The following VAV3 variants were observed in gnomAD, a reference collection of about 807,000 sequenced individuals.
VAV3 encodes guanine nucleotide exchange factor VAV3.
A neutral mutation model predicts 131.2 loss-of-function variants in VAV3; 94 were observed. The observed-to-expected ratio is 0.72, with a 90% CI of 0.61 to 0.85. VAV3 has a LOEUF of 0.85. VAV3 is among the 40% of genes least tolerant of loss of function. VAV3 has a pLI of 0.00. For synonymous variants in VAV3, 349 were observed against 342.0 expected, an observed-to-expected ratio of 1.02 and a Z score of -0.22; for missense variants, 939 against 1,002.7, an observed-to-expected ratio of 0.94 and a Z score of 0.86.
chr1:107,666,835 T>C (rs892739016), intron 19 of VAV3, among the ~76,000 whole-genome samples: 2 of 152,148 alleles, frequency 1.3e-5, no homozygotes, highest in African/African-American at 4.8e-5. Flanking sequence ...TGGGTCTTAT[T>C]ATTTCCATTT....
chr1:107,584,716 G>T (rs1450285805), intron 25 of VAV3, among the ~76,000 whole-genome samples: 1 of 152,088 alleles, frequency 6.6e-6, no homozygotes. Flanking sequence ...TTATGTCTAG[G>T]ATTATTGTAA....
intron 19 of VAV3, among the ~76,000 whole-genome samples, chr1:107,651,231 C>G (rs4914954): frequency 2.6e-5 from 4 of 152,132 alleles, no homozygotes; most frequent in Admixed American, 2.6e-4. Flanking sequence ...ACCACAGAGT[C>G]TATGGTATTT....
At chr1:107,670,405 T>C (rs183634484) in intron 19 of VAV3, among the ~76,000 whole-genome samples, 3 of 152,352 alleles carry the variant, frequency 2.0e-5, no homozygotes, top group Admixed American at 1.3e-4. Flanking sequence ...TCTCAGAGCA[T>C]GTTAAATTTA....
chr1:107,765,117 A>T lies in VAV3; in HGVS notation c.880T>A (p.Tyr294Asn). Residue 294 changes from tyrosine to asparagine, a missense_variant, in exon 9 of 27, where the codon TAC becomes AAC. By Grantham distance (143) the Tyr-to-Asn change is moderately radical (BLOSUM62 -2). Transcript: ENST00000370056. ...ACATCTTCTTTTGTCTTAGAAATGT[A>T]GTCTAAACTAGAGATGGCTGACTCC... The part of the protein sequence containing the change: ...GVESAISSLD[Y>N]ISKTKEDVKL... 1 of 1,613,558 alleles carries T rather than the reference A, an allele frequency of 6.2e-7. No homozygotes were observed. Among genetic ancestry groups the T allele is most frequent in the African/African-American group, 1.3e-5 (1 of 75,028 alleles).
intron 17 of VAV3, among the ~76,000 whole-genome samples, chr1:107,700,293 T>G (rs767954127): frequency 6.6e-6 from 1 of 152,198 alleles, no homozygotes; most frequent in Non-Finnish European, 1.5e-5. Context: ...AAGTTTTATT[T>G]TATTTATTTC....
chr1:107,884,331 C>T (rs564144038), intron 1 of VAV3, among the ~76,000 whole-genome samples: 63 of 151,080 alleles, frequency 4.2e-4, no homozygotes, highest in African/African-American at 1.4e-3. Context: ...ACACTACATG[C>T]CTGTACCAAA....
intron 15 of VAV3, among the ~76,000 whole-genome samples, chr1:107,706,260 G>A (rs921663600): frequency 6.6e-6 from 1 of 152,094 alleles, no homozygotes; most frequent in African/African-American, 2.4e-5. Flanking sequence ...CAGAATCCTG[G>A]CGAAATGAAG....
intron 15 of VAV3, among the ~76,000 whole-genome samples, chr1:107,723,910 A>G (rs998755971): frequency 6.6e-6 from 1 of 152,198 alleles, no homozygotes; most frequent in Non-Finnish European, 1.5e-5. Flanking sequence ...GGATAAATAG[A>G]GAACACATCG....
In VAV3 at chr1:107,587,022, A is replaced by C. The variant is rs559091519; in HGVS notation, c.2350+9190T>G. The stretch of plus-strand genomic sequence containing the variant: ...TCAGGAGTGTTACAGAACGTTTAAA[A>C]AAACTTGTATTAGGGCTAATGGGGA... On this transcript the variant is annotated intron_variant, in intron 25 of 26. Coordinates refer to ENST00000370056, the MANE Select transcript of VAV3 (RefSeq NM_006113.5). Among the ~76,000 whole-genome samples the C allele has an allele frequency of 2.6e-5, 4 of 152,262 alleles. No homozygotes were observed. The East Asian group carries it at 7.7e-4, about 29-fold the overall frequency.
At position 107,930,358 on chromosome 1, in the gene VAV3, C is replaced by A. The variant is rs1245480625; in HGVS notation, c.204+34308G>T. On this transcript the variant is annotated intron_variant, in intron 1 of 26. Coordinates refer to ENST00000370056, the MANE Select transcript of VAV3 (RefSeq NM_006113.5). ...AAATTTTTTTAAAGAATTATGAGTACCTTGATAAAAAACACATTGAATATA... is the reference window on the plus strand; with the variant it reads ...AAATTTTTTTAAAGAATTATGAGTAACTTGATAAAAAACACATTGAATATA... 1.5e-4 allele frequency among the ~76,000 whole-genome samples: 23 copies of A among 152,020 alleles called. No homozygotes were observed. In the East Asian group the frequency reaches 3.3e-3, roughly 22 times the overall value.
At chr1:107,872,890 T>G (rs1422509715) in intron 2 of VAV3, among the ~76,000 whole-genome samples, 6 of 152,204 alleles carry the variant, frequency 3.9e-5, no homozygotes, top group Non-Finnish European at 7.4e-5. Flanking sequence ...TTTTAAGTGT[T>G]CAACTACTGG....
At chr1:107,915,780 T>G (rs1672586773) in intron 1 of VAV3, among the ~76,000 whole-genome samples, 1 of 152,142 alleles carries the variant, frequency 6.6e-6, no homozygotes, top group Non-Finnish European at 1.5e-5. Flanking sequence ...AATGTCAAAT[T>G]TACTGCAATG....
At chr1:107,591,012 C>A (rs929641689) in intron 25 of VAV3, among the ~76,000 whole-genome samples, 2 of 152,154 alleles carry the variant, frequency 1.3e-5, no homozygotes, top group African/African-American at 4.8e-5. Context: ...TCAGAATCCA[C>A]TTACTATACT....
chr1:107,906,522 C>T (rs1672116172), intron 1 of VAV3, among the ~76,000 whole-genome samples: 1 of 151,918 alleles, frequency 6.6e-6, no homozygotes, highest in Non-Finnish European at 1.5e-5. Flanking sequence ...AAAAATTAGC[C>T]GGGCGTGGTG....
At chr1:107,691,305 T>C (rs2101784337) in intron 17 of VAV3, among the ~76,000 whole-genome samples, 1 of 152,248 alleles carries the variant, frequency 6.6e-6, no homozygotes, top group Non-Finnish European at 1.5e-5. Context: ...TTGTATGGAG[T>C]ATTCTATGGA....
rs751986040 is a variant in VAV3, at chr1:107,757,258, T to C, written c.1086+3A>G. On this transcript the variant is annotated splice_donor_region_variant and intron_variant, in intron 11 of 26. Coordinates refer to ENST00000370056, the MANE Select transcript of VAV3 (RefSeq NM_006113.5). ...AAACAAATTACTGATGAATCTGCCC[T>C]ACCTTCATGGCATCAAGAGCCAGTT... is the stretch of plus-strand genomic sequence containing the variant. 2.5e-6 allele frequency: 4 copies of C among 1,612,322 alleles called. No homozygotes were observed. Among genetic ancestry groups the C allele is most frequent in the South Asian group, 1.1e-5 (1 of 90,754 alleles).
intron 17 of VAV3, among the ~76,000 whole-genome samples, chr1:107,689,133 C>T (rs967199972): frequency 3.3e-5 from 5 of 152,208 alleles, no homozygotes; most frequent in South Asian, 2.1e-4. Context: ...AGGGCGCACA[C>T]GGCACTTGGA....
chr1:107,690,877 C>A (rs547817177), intron 17 of VAV3, among the ~76,000 whole-genome samples: 4 of 152,150 alleles, frequency 2.6e-5, no homozygotes, highest in Admixed American at 2.6e-4. Flanking sequence ...TTCATGGATA[C>A]GGCATAGAGC....
chr1:107,940,686 T>C (rs1294993026), intron 1 of VAV3, among the ~76,000 whole-genome samples: 2 of 152,134 alleles, frequency 1.3e-5, no homozygotes, highest in African/African-American at 4.8e-5. Flanking sequence ...ACAACATGGA[T>C]AAACCTTCAG....
Sources: gnomAD v4.1 joint callset for allele counts (sites outside exome capture counted in the v4.1 genomes callset) on GRCh38, gnomAD v4.1.1 for gene constraint, MANE v1.5 for transcripts, NCBI Gene and HGNC (gene_info 2026-07-23, HGNC 2026-07-21) for gene names.